Variants in ASPH observed in about 807,000 individuals in gnomAD.
ASPH encodes aspartate beta-hydroxylase.
A neutral mutation model predicts 118.4 loss-of-function variants in ASPH; 100 were observed. The observed-to-expected ratio is 0.84, with a 90% CI of 0.72 to 1.00. The LOEUF (loss-of-function observed/expected upper bound fraction) is 1.00. ASPH is among the 50% of genes least tolerant of loss of function. ASPH has a pLI of 0.00. For missense variants in ASPH, 920 were observed against 919.5 expected (o/e 1.00, Z -0.01); for synonymous variants, 315 against 325.6 (o/e 0.97, Z 0.35).
At chr8:61,566,521 T>A (rs1587279848) in intron 17 of ASPH, among the ~76,000 whole-genome samples, 1 of 152,182 alleles carries the variant, frequency 6.6e-6, no homozygotes. Context: ...AGTGGCAGGG[T>A]TTGAGAGGAT....
chr8:61,683,915 A>G (rs1008231433), intron 2 of ASPH, 124 bp downstream of exon 2: 1 of 1,151,718 alleles, frequency 8.7e-7, no homozygotes, highest in East Asian at 2.4e-5. Flanking sequence ...GCCTCACTCT[A>G]TTGAGAACCA....
chr8:61,653,910 T>C (rs937643233), intron 3 of ASPH, among the ~76,000 whole-genome samples: 3 of 152,204 alleles, frequency 2.0e-5, no homozygotes, highest in Non-Finnish European at 4.4e-5. Flanking sequence ...TAAATGTTCA[T>C]GAATCTCTAA....
chr8:61,708,091 T>G (rs1319602328), intron 1 of ASPH, among the ~76,000 whole-genome samples: 2 of 152,192 alleles, frequency 1.3e-5, no homozygotes, highest in African/African-American at 2.4e-5. Context: ...GAGGAAAATC[T>G]AGGAATCTGA....
intron 15 of ASPH, chr8:61,579,101 GA>G (rs1404011886): frequency 6.2e-7 from 1 of 1,608,604 alleles, no homozygotes; most frequent in African/African-American, 1.4e-5. Flanking sequence ...GTCTGGCTGG[GA>G]AGCACGGGGA....
chr8:61,632,640 A>G (rs1453398309), intron 13 of ASPH: 2 of 493,848 alleles, frequency 4.0e-6, no homozygotes, highest in African/African-American at 4.0e-5. Flanking sequence ...AATACCAACA[A>G]TTCCATTCTC....
chr8:61,646,821 T>A lies in ASPH; in HGVS notation c.548A>T (p.Asp183Val). 6.2e-7 allele frequency: 1 copy of A among 1,614,000 alleles called. No individual in the cohort carries two copies. Among genetic ancestry groups the A allele is most frequent in the African/African-American group, 1.3e-5 (1 of 75,020 alleles). Residue 183 changes from aspartate (D) to valine (V), a missense_variant, in exon 6 of 25, where the codon GAT becomes GTT. Coordinates refer to ENST00000379454, the MANE Select transcript of ASPH (RefSeq NM_004318.4). ...DGPTGEPQQEDDEFLMATDVD... is the reference protein window; with the variant it reads ...DGPTGEPQQEVDEFLMATDVD... ...ATCAGTCGCCATAAGAAACTCATCA[T>A]CCTCTTGTTGTGGTTCTCCTGTGGG...
intron 3 of ASPH, chr8:61,676,161 C>T (rs186275369): frequency 2.2e-4 from 350 of 1,599,348 alleles, no homozygotes; most frequent in Non-Finnish European, 2.9e-4. Context: ...TCTGCGGTTT[C>T]GCTTTCTTCT....
chr8:61,554,839 G>A (rs1827286202), intron 19 of ASPH, among the ~76,000 whole-genome samples: 1 of 152,198 alleles, frequency 6.6e-6, no homozygotes, highest in African/African-American at 2.4e-5. Context: ...CTGGGCCTGA[G>A]TAGCTGGGAC....
intron 1 of ASPH, among the ~76,000 whole-genome samples, chr8:61,697,162 T>C (rs1834097120): frequency 1.3e-5 from 2 of 152,226 alleles, no homozygotes; most frequent in Non-Finnish European, 2.9e-5. Flanking sequence ...CTGTAAATTA[T>C]AAAACACACG....
At chr8:61,538,363 T>A (rs1586736831) in intron 21 of ASPH, among the ~76,000 whole-genome samples, 1 of 152,368 alleles carries the variant, frequency 6.6e-6, no homozygotes, top group Non-Finnish European at 1.5e-5. Flanking sequence ...AAGATAAGAC[T>A]AAGCTATTAT....
intron 17 of ASPH, among the ~76,000 whole-genome samples, chr8:61,564,914 T>C (rs1294988952): frequency 6.6e-6 from 1 of 152,208 alleles, no homozygotes. Context: ...CATGTAACTA[T>C]CTTGCCAGCC....
rs1183160122 is a variant in ASPH, at chr8:61,624,722, C to A, written c.935-5703G>T. The A allele has an allele frequency of 1.1e-5, 11 of 985,592 alleles. No individual in the cohort carries two copies. In the South Asian group the frequency reaches 4.7e-4, roughly 42 times the overall value. The allele number at this position is 985,592 out of a possible 1,614,324, so 61.1% of individuals were successfully genotyped here. ...TAATGAATCCTCAACGTCCAGAGTTCTACAAAAATCCAGCAAAACTTACTT... is the reference window on the plus strand; with the variant it reads ...TAATGAATCCTCAACGTCCAGAGTTATACAAAAATCCAGCAAAACTTACTT... On this transcript the variant is annotated intron_variant, in intron 13 of 24. Transcript: ENST00000379454.
In ASPH at chr8:61,501,504, T is replaced by A. The variant is rs2129609666; in HGVS notation, c.*1855A>T. ...AATGACGACTTATAGTTTGAATTTA[T>A]GTGTATGCAATATACATATGAGAAC... On this transcript the variant is annotated 3_prime_UTR_variant, in exon 25 of 25. Transcript: ENST00000379454. 6.6e-6 allele frequency: 1 copy of A among 152,332 alleles called. No individual in the cohort carries two copies. Among genetic ancestry groups the A allele is most frequent in the South Asian group, 2.1e-4 (1 of 4,830 alleles). 9.4% of individuals were successfully genotyped at this position (152,332 alleles called of 1,614,324 possible). A position where few individuals can be genotyped will look rare whatever the true frequency, so the allele number is the denominator to read the frequency against.
At chr8:61,556,526 A>G (rs1306218578) in intron 18 of ASPH, among the ~76,000 whole-genome samples, 1 of 152,232 alleles carries the variant, frequency 6.6e-6, no homozygotes, top group Non-Finnish European at 1.5e-5. Context: ...AAACTTCTTG[A>G]GTGCCCAGAC....
At chr8:61,706,897 G>T (rs992642178) in intron 1 of ASPH, among the ~76,000 whole-genome samples, 1 of 152,124 alleles carries the variant, frequency 6.6e-6, no homozygotes, top group African/African-American at 2.4e-5. Context: ...TAACAGTACA[G>T]GACATTCTCA....
intron 3 of ASPH, among the ~76,000 whole-genome samples, chr8:61,680,105 C>G (rs1423421104): frequency 6.6e-6 from 1 of 151,620 alleles, no homozygotes; most frequent in African/African-American, 2.4e-5. Flanking sequence ...ATGTGGCATC[C>G]TACCATGTTT....
chr8:61,511,724 C>T (rs893126527), intron 24 of ASPH, among the ~76,000 whole-genome samples: 1 of 152,216 alleles, frequency 6.6e-6, no homozygotes, highest in Non-Finnish European at 1.5e-5. Flanking sequence ...CTGCTTCAGC[C>T]TCCCAAGTAG....
chr8:61,605,615 C>T (rs1845336568), intron 14 of ASPH, among the ~76,000 whole-genome samples: 1 of 152,092 alleles, frequency 6.6e-6, no homozygotes, highest in Non-Finnish European at 1.5e-5. Context: ...AATTCATATG[C>T]CTATAAGGAA....
chr8:61,701,913 G>A (rs1390732496), intron 1 of ASPH, among the ~76,000 whole-genome samples: 1 of 152,086 alleles, frequency 6.6e-6, no homozygotes, highest in South Asian at 2.1e-4. Flanking sequence ...CTTAGTAGCT[G>A]AAATAGTTAC....
Sources: allele counts gnomAD v4.1 joint callset (sites outside exome capture counted in the v4.1 genomes callset), GRCh38; gene constraint gnomAD v4.1.1; transcripts MANE v1.5; gene names NCBI Gene and HGNC (gene_info 2026-07-23, HGNC 2026-07-21).